Variants in CTCFL observed in about 807,000 individuals in gnomAD.
The protein encoded by CTCFL is transcriptional repressor CTCFL.
In CTCFL, 36 loss-of-function variants were observed where a neutral mutation model predicts 67.4. The observed-to-expected ratio is 0.53, with a 90% confidence interval of 0.41 to 0.71. The LOEUF (loss-of-function observed/expected upper bound fraction) is 0.71, where lower values mean the gene tolerates loss of function less well. Among genes scored for constraint, CTCFL ranks in the 30% least tolerant of loss-of-function variants. The probability of loss-of-function intolerance (pLI) is 0.00; values close to 1 mark genes in which losing one functional copy is unlikely to be tolerated. For missense variants in CTCFL, 786 were observed against 835.2 expected (o/e 0.94, Z 0.73); for synonymous variants, 324 against 302.3 (o/e 1.07, Z -0.75).
rs1452421283 is a variant in CTCFL at position 57,519,312 on chromosome 20, G to C, written c.820C>G (p.Arg274Gly). 6.2e-7 allele frequency: 1 copy of C among 1,613,970 alleles called. No homozygotes were observed. Among genetic ancestry groups the C allele is most frequent in the Admixed American group, 1.7e-5 (1 of 60,016 alleles). ...FTSSRMSSFN[R>G]HMKTHTSEKP... ...TCACTGGTGTGAGTTTTCATATGAC[G>C]ATTAAAACTTGACATTCTAGAAGAG... The change falls in exon 4 of 11, where the codon CGT becomes GGT. Residue 274 changes from arginine (R) to glycine (G), a missense_variant. Coordinates refer to ENST00000243914, the MANE Select transcript of CTCFL (RefSeq NM_001386993.1).
At chr20:57,498,751 G>T in intron 10 of CTCFL, 50 bp from the exon 11 acceptor site, 1 of 1,531,272 alleles carries the variant, frequency 6.5e-7, no homozygotes, top group South Asian at 1.2e-5. Context: ...CTAAGGAATT[G>T]GAATTTATAA....
intron 5 of CTCFL, among the ~76,000 whole-genome samples, chr20:57,516,184 T>C (rs1248849691): frequency 3.3e-5 from 2 of 61,178 alleles, no homozygotes; most frequent in Non-Finnish European, 8.6e-5. Flanking sequence ...AAATTTAGAT[T>C]ACACTGTAAA....
At chr20:57,508,896 C>CACT (rs1281525509) in intron 8 of CTCFL, 108 bp from the exon 9 acceptor site, 2 of 987,054 alleles carry the variant, frequency 2.0e-6, no homozygotes, top group African/African-American at 1.6e-5. Context: ...AAGATGAGTC[C>CACT]ACTATTAAGC....
intron 8 of CTCFL, among the ~76,000 whole-genome samples, chr20:57,509,212 G>A (rs995574435): frequency 3.3e-5 from 5 of 151,964 alleles, no homozygotes; most frequent in African/African-American, 1.2e-4. Context: ...AGACCTTTGG[G>A]GTTGCAAGTA....
intron 3 of CTCFL, among the ~76,000 whole-genome samples, chr20:57,519,582 C>T (rs931378029): frequency 2.0e-5 from 3 of 152,134 alleles, no homozygotes; most frequent in South Asian, 2.1e-4. Context: ...CAAGATGGGC[C>T]GATGTCTGTT....
intron 3 of CTCFL, among the ~76,000 whole-genome samples, chr20:57,521,881 T>C (rs1434896880): frequency 6.6e-6 from 1 of 152,148 alleles, no homozygotes. Flanking sequence ...CAGGAAAATC[T>C]ACGGAAACAA....
At chr20:57,500,343 TC>T in intron 10 of CTCFL, 1 of 375,038 alleles carries the variant, frequency 2.7e-6, no homozygotes, top group Non-Finnish European at 4.7e-6. Flanking sequence ...TAATCCCAGC[TC>T]CGGAGACTGA....
chr20:57,514,834 C>T (rs1444937315), intron 6 of CTCFL, 93 bp from the exon 7 acceptor site: 34 of 1,358,024 alleles, frequency 2.5e-5, no homozygotes, highest in Non-Finnish European at 2.8e-5. Flanking sequence ...TTGCCCCAAG[C>T]CTCCTTTATC....
downstream of CTCFL, chr20:57,496,462 C>T: frequency 2.2e-6 from 1 of 447,264 alleles, no homozygotes; most frequent in Non-Finnish European, 4.0e-6. Flanking sequence ...TAAAATTTAC[C>T]ATTTTAGCTA....
chr20:57,512,993 T>C lies in CTCFL; in HGVS notation c.1331-241A>G, dbSNP rs536893349. On this transcript the variant is annotated intron_variant, in intron 7 of 10. Coordinates refer to ENST00000243914, the MANE Select transcript of CTCFL (RefSeq NM_001386993.1). ...TTGTGAAAGCCAAAATACCTCTAGA[T>C]ATCACCGCCTGTCTTCTGGGTGGTA... is the stretch of plus-strand genomic sequence containing the variant. Among the ~76,000 whole-genome samples, 74 of 152,214 alleles carry C rather than the reference T, an allele frequency of 4.9e-4. 1 individual carries two copies. Among genetic ancestry groups the C allele is most frequent in the African/African-American group, 1.5e-3 (64 of 41,514 alleles).
chr20:57,513,719 T>C (rs2068710661), intron 7 of CTCFL: 1 of 1,205,224 alleles, frequency 8.3e-7, no homozygotes, highest in East Asian at 6.0e-5. Context: ...CCTTTCGCCT[T>C]TCAGAAAGGT....
rs764705713 is a variant in CTCFL, at chr20:57,512,750, C to G, written c.1333G>C (p.Val445Leu). 2.5e-6 allele frequency: 4 copies of G among 1,614,004 alleles called. No homozygotes were observed. The highest frequency in any genetic ancestry group is 3.4e-6 in the Non-Finnish European group (4 of 1,179,886). Residue 445 changes from valine (V) to leucine (L), a missense_variant and splice_region_variant, in exon 8 of 11, where the codon GTG becomes CTG. Physicochemically the swap from Val to Leu is conservative, Grantham distance 32. This residue lies in a region of CTCFL where 254 missense variants were observed against 333.9 expected (regional missense o/e 0.76). Transcript: ENST00000243914. ...TAAGCATGCAAGTTGCGCATATGCA[C>G]ACCTAAAATGGTCACAGAACATTAT... is the stretch of plus-strand genomic sequence containing the variant. Reference protein sequence around the residue: ...TIIARKSDLRVHMRNLHAYSA... With the variant: ...TIIARKSDLRLHMRNLHAYSA...
chr20:57,500,611 C>T lies in CTCFL; in HGVS notation c.1841-1910G>A, dbSNP rs570607653. ...ATGCAGATTAAGTCATATTTTTTGC[C>T]AGGTTATTTGCCTTAATTCACACTT... On this transcript the variant is annotated intron_variant, in intron 10 of 10. Transcript: ENST00000243914. Among the ~76,000 whole-genome samples the T allele has an allele frequency of 2.6e-5, 4 of 152,198 alleles. No individual in the cohort carries two copies. In the South Asian group the frequency reaches 8.3e-4, roughly 32 times the overall value.
intron 10 of CTCFL, chr20:57,499,689 G>T: frequency 5.3e-6 from 1 of 189,320 alleles, no homozygotes; most frequent in Non-Finnish European, 1.1e-5. Flanking sequence ...GTCCCATCTG[G>T]GGGTGATGGG....
chr20:57,496,672 T>C (rs550408948), downstream of CTCFL, among the ~76,000 whole-genome samples: 26 of 152,350 alleles, frequency 1.7e-4, no homozygotes, highest in African/African-American at 6.3e-4. Flanking sequence ...CTGTTCTAGA[T>C]ACCTCCTATA....
chr20:57,515,878 AATGGCAGAGT>A (rs749334675), intron 5 of CTCFL, 44 bp from the exon 6 acceptor site: 1 of 1,579,486 alleles, frequency 6.3e-7, no homozygotes, highest in African/African-American at 1.4e-5. Context: ...GAAACTAAAA[AATGGCAGAGT>A]CTTCCATTAA....
chr20:57,511,595 C>G lies in CTCFL; in HGVS notation c.1491+997G>C, dbSNP rs924004186. Among the ~76,000 whole-genome samples, 5 of 150,790 alleles carry G rather than the reference C, an allele frequency of 3.3e-5. No individual in the cohort carries two copies. The South Asian group carries it at 8.4e-4, about 25-fold the overall frequency. Reference sequence around the variant, plus strand: ...TTAAAAAAATCACTCTAATCCCCCCCCTTTTTTTTTTTTTGAGATGGAGTT... The same window carrying G: ...TTAAAAAAATCACTCTAATCCCCCCGCTTTTTTTTTTTTTGAGATGGAGTT... On this transcript the variant is annotated intron_variant, in intron 8 of 10. Transcript: ENST00000243914.
Position 57,508,798 on chromosome 20 carries a change from A to C in CTCFL, c.1492-10T>G. The stretch of plus-strand genomic sequence containing the variant: ...CGGTCATATGACGTTCCTAAGAGGG[A>C]AGGGGAAGAAAGCAGCTTGTCTAGT... On this transcript the variant is annotated splice_polypyrimidine_tract_variant and intron_variant, in intron 8 of 10. Transcript: ENST00000243914. 1 of 1,612,668 alleles carries C rather than the reference A, an allele frequency of 6.2e-7. No homozygotes were observed. The highest frequency in any genetic ancestry group is 8.5e-7 in the Non-Finnish European group (1 of 1,178,950).
intron 10 of CTCFL, among the ~76,000 whole-genome samples, 156 bp from the exon 11 acceptor site, chr20:57,498,857 A>G (rs2067773061): frequency 6.6e-6 from 1 of 152,142 alleles, no homozygotes; most frequent in African/African-American, 2.4e-5. Context: ...TACTATTCTG[A>G]TCTCAACTAC....
Sources: gnomAD v4.1 joint callset for allele counts (sites outside exome capture counted in the v4.1 genomes callset) on GRCh38, gnomAD v4.1.1 for gene constraint, gnomAD v4.1.1 regional missense constraint, MANE v1.5 for transcripts, NCBI Gene and HGNC (gene_info 2026-07-23, HGNC 2026-07-21) for gene names.